CSMD1: variants seen among roughly 807,000 people sequenced by gnomAD.
CSMD1 encodes CUB and Sushi multiple domains 1.
In CSMD1, 213 loss-of-function variants were observed where a neutral mutation model predicts 417.5. The ratio of observed to expected loss-of-function variants is 0.51; its 90% CI spans 0.46 to 0.57. The LOEUF (loss-of-function observed/expected upper bound fraction) is 0.57, where lower values mean the gene tolerates loss of function less well. CSMD1 is among the 20% of genes least tolerant of loss of function. The pLI is 0.00. For missense variants in CSMD1, 6,923 were observed against 4,529.7 expected (o/e 1.53, Z -15.17); for synonymous variants, 2,862 against 1,736.8 (o/e 1.65, Z -16.11).
intron 10 of CSMD1, among the ~76,000 whole-genome samples, chr8:3,500,030 C>T (rs1227318484): frequency 1.3e-5 from 2 of 152,078 alleles, no homozygotes; most frequent in African/African-American, 4.8e-5. Context: ...TGAATACAGG[C>T]ATCTGGGGTG....
intron 3 of CSMD1, among the ~76,000 whole-genome samples, chr8:4,036,967 G>C (rs1456052785): frequency 3.4e-5 from 5 of 145,448 alleles, no homozygotes; most frequent in African/African-American, 1.3e-4. Context: ...GTGTGTGTGT[G>C]TGTGTGTGTG....
At chr8:3,738,781 C>T (rs776296571) in intron 6 of CSMD1, among the ~76,000 whole-genome samples, 1 of 152,186 alleles carries the variant, frequency 6.6e-6, no homozygotes, top group Non-Finnish European at 1.5e-5. Flanking sequence ...CCTCCGTCAA[C>T]TGGGTGCACT....
At chr8:4,511,244 T>A (rs1309182015) in intron 2 of CSMD1, among the ~76,000 whole-genome samples, 1 of 152,144 alleles carries the variant, frequency 6.6e-6, no homozygotes, top group African/African-American at 2.4e-5. Context: ...GTGTGAATTC[T>A]CAGACTTGGC....
intron 25 of CSMD1, among the ~76,000 whole-genome samples, chr8:3,290,112 G>T (rs1304608490): frequency 6.8e-6 from 1 of 146,732 alleles, no homozygotes; most frequent in Admixed American, 6.7e-5. Flanking sequence ...GTTTTTGTCA[G>T]GTTTGTCAAA....
chr8:4,090,740 C>G (rs1016265580), intron 3 of CSMD1, among the ~76,000 whole-genome samples: 3 of 151,984 alleles, frequency 2.0e-5, no homozygotes, highest in East Asian at 3.9e-4. Context: ...AACATTAAAC[C>G]AACACATATA....
chr8:3,799,753 AC>A (rs1197339306), intron 5 of CSMD1, among the ~76,000 whole-genome samples: 1 of 151,992 alleles, frequency 6.6e-6, no homozygotes, highest in Non-Finnish European at 1.5e-5. Context: ...GCTGTACAAA[AC>A]TTTACTCACT....
intron 3 of CSMD1, among the ~76,000 whole-genome samples, chr8:4,375,830 C>A (rs1802699070): frequency 6.6e-6 from 1 of 152,052 alleles, no homozygotes; most frequent in Admixed American, 6.6e-5. Context: ...GTTTTTAAGC[C>A]AAAACAGACT....
intron 3 of CSMD1, among the ~76,000 whole-genome samples, chr8:4,346,350 C>T (rs1372413551): frequency 6.6e-6 from 1 of 152,190 alleles, no homozygotes; most frequent in Non-Finnish European, 1.5e-5. Flanking sequence ...CCATGCCCAT[C>T]TATTTCCATA....
chr8:4,451,997 T>C (rs1799175540), intron 2 of CSMD1, among the ~76,000 whole-genome samples: 1 of 150,216 alleles, frequency 6.7e-6, no homozygotes, highest in Non-Finnish European at 1.5e-5. Context: ...TTGATATATA[T>C]ATAATGAAAT....
intron 7 of CSMD1, among the ~76,000 whole-genome samples, chr8:3,636,359 G>A (rs967050071): frequency 6.6e-6 from 1 of 152,172 alleles, no homozygotes; most frequent in Non-Finnish European, 1.5e-5. Flanking sequence ...TGGATTTTTA[G>A]TAGAGATGAG....
Position 3,826,901 on chromosome 8 carries a change from C to T in CSMD1, c.819-72859G>A, listed in dbSNP as rs187662004. 2.9e-3 allele frequency among the ~76,000 whole-genome samples: 437 copies of T among 152,198 alleles called. 4 individuals carry two copies. Among genetic ancestry groups the T allele is most frequent in the South Asian group, 4.6e-3 (22 of 4,812 alleles). On this transcript the variant is annotated intron_variant, in intron 5 of 69. Transcript: ENST00000635120. Reference sequence around the variant, plus strand: ...TCCTGAGTTCAACCCATTCTCCCACCTCAGCCTCTTGAGTAGCTGAAACTA... The same window carrying T: ...TCCTGAGTTCAACCCATTCTCCCACTTCAGCCTCTTGAGTAGCTGAAACTA...
chr8:3,786,230 C>A (rs1007331216), intron 5 of CSMD1, among the ~76,000 whole-genome samples: 1 of 152,050 alleles, frequency 6.6e-6, no homozygotes, highest in Non-Finnish European at 1.5e-5. Context: ...CAAGGTGTCG[C>A]TAAGACATTG....
chr8:3,840,977 G>T (rs538633653), intron 5 of CSMD1, among the ~76,000 whole-genome samples: 49 of 152,194 alleles, frequency 3.2e-4, no homozygotes, highest in African/African-American at 1.1e-3. Flanking sequence ...AAAGTGCTCA[G>T]ATTACAGGCA....
intron 1 of CSMD1, among the ~76,000 whole-genome samples, chr8:4,781,541 A>G (rs1362850513): frequency 6.6e-6 from 1 of 152,220 alleles, no homozygotes; most frequent in Non-Finnish European, 1.5e-5. Flanking sequence ...TCATAAGGCC[A>G]ATAGGATAAT....
intron 49 of CSMD1, among the ~76,000 whole-genome samples, chr8:3,083,642 ATATATATTTTTTTTTTTTTTTT>A (rs1814297006): frequency 3.2e-4 from 7 of 21,610 alleles, no homozygotes; most frequent in Non-Finnish European, 4.6e-4. Context: ...ATATATATAT[ATATATATTTTTTTTTTTTTTTT>A]TTTTTTTTTT....
intron 12 of CSMD1, among the ~76,000 whole-genome samples, chr8:3,457,954 C>T (rs1028242840): frequency 6.6e-6 from 1 of 152,154 alleles, no homozygotes; most frequent in Non-Finnish European, 1.5e-5. Flanking sequence ...AATTACAGAG[C>T]CTAAAATATC....
chr8:3,216,892 C>T (rs1323428309), intron 29 of CSMD1, among the ~76,000 whole-genome samples: 2 of 152,262 alleles, frequency 1.3e-5, no homozygotes, highest in African/African-American at 2.4e-5. Context: ...TTGCTATCCA[C>T]ACCAGCACTT....
intron 12 of CSMD1, among the ~76,000 whole-genome samples, chr8:3,425,277 A>T (rs1176951614): frequency 1.3e-5 from 2 of 152,152 alleles, no homozygotes; most frequent in Non-Finnish European, 2.9e-5. Flanking sequence ...GGGACAAGGG[A>T]AACTCCTGTA....
At chr8:4,780,411 G>GTCGA (rs1314925752) in intron 1 of CSMD1, among the ~76,000 whole-genome samples, 2 of 148,294 alleles carry the variant, frequency 1.3e-5, no homozygotes, top group Non-Finnish European at 3.0e-5. Context: ...TGATTGATCA[G>GTCGA]TCGATCTGTC....
Sources: gnomAD v4.1 joint callset for allele counts (sites outside exome capture counted in the v4.1 genomes callset) on GRCh38, gnomAD v4.1.1 for gene constraint, MANE v1.5 for transcripts, NCBI Gene and HGNC (gene_info 2026-07-23, HGNC 2026-07-21) for gene names.